The following RANBP2 variants were observed in gnomAD, a reference collection of about 807,000 sequenced individuals.
The protein encoded by RANBP2 is RAN binding protein 2.
Under a neutral mutation model 303.6 loss-of-function variants are expected in RANBP2, and 57 were observed. The observed-to-expected ratio is 0.19, with a 90% CI of 0.15 to 0.23. The LOEUF is 0.23. RANBP2 is among the 10% of genes least tolerant of loss of function. The pLI is 1.00. For missense variants in RANBP2, 3,138 were observed against 3,780.8 expected, an observed-to-expected ratio of 0.83 and a Z score of 4.46; for synonymous variants, 1,167 against 1,301.5, an observed-to-expected ratio of 0.90 and a Z score of 2.23.
downstream of RANBP2, chr2:108,788,938 A>C (rs753008334): frequency 9.0e-5 from 145 of 1,613,978 alleles, no homozygotes; most frequent in Non-Finnish European, 1.2e-4. Context: ...ACCATTGGGC[A>C]GCTTATTCAA....
the RANBP2 span, chr2:109,574,538 T>G: frequency 8.2e-7 from 1 of 1,223,728 alleles, no homozygotes; most frequent in South Asian, 2.6e-5. Context: ...CAGTTAAAAA[T>G]AAATATTAAA....
chr2:108,737,430 C>T (rs1416900171), intron 6 of RANBP2, among the ~76,000 whole-genome samples: 2 of 150,742 alleles, frequency 1.3e-5, no homozygotes, highest in East Asian at 1.9e-4. Flanking sequence ...CCTCCGCCTC[C>T]CTGGTTCAGG....
the RANBP2 span, among the ~76,000 whole-genome samples, chr2:109,536,053 G>T: frequency 1.6e-4 from 5 of 32,170 alleles, no homozygotes; most frequent in East Asian, 1.0e-3. Flanking sequence ...GGGTGGGGGT[G>T]GGGGGGGGGT....
the RANBP2 span, among the ~76,000 whole-genome samples, chr2:108,833,894 A>ATTTTTTTTTTTTTT: frequency 7.6e-5 from 6 of 79,218 alleles, no homozygotes; most frequent in East Asian, 7.9e-4. Context: ...CGCCCGGCTA[A>ATTTTTTTTTTTTTT]TTTTTTTTTT....
the RANBP2 span, among the ~76,000 whole-genome samples, chr2:109,671,149 T>A: frequency 6.6e-6 from 1 of 152,168 alleles, no homozygotes; most frequent in Non-Finnish European, 1.5e-5. Flanking sequence ...CACTGCTGCT[T>A]CCTACCAGGA....
At chr2:109,113,785 T>G in the RANBP2 span, among the ~76,000 whole-genome samples, 2 of 152,312 alleles carry the variant, frequency 1.3e-5, no homozygotes, top group Non-Finnish European at 2.9e-5. Flanking sequence ...CATAGATAGC[T>G]CTTATTCTTT....
the RANBP2 span, among the ~76,000 whole-genome samples, chr2:109,093,363 T>C: frequency 6.7e-6 from 1 of 148,262 alleles, no homozygotes; most frequent in East Asian, 2.0e-4. Context: ...TTCCTTGTCT[T>C]GGATAGATTT....
chr2:109,625,591 G>T, the RANBP2 span, among the ~76,000 whole-genome samples: 1 of 151,822 alleles, frequency 6.6e-6, no homozygotes, highest in Non-Finnish European at 1.5e-5. Flanking sequence ...GCTTGAACTC[G>T]GGAGGTGGAG....
the RANBP2 span, chr2:108,911,080 TGGAGA>T: frequency 1.2e-6 from 2 of 1,614,028 alleles, no homozygotes; most frequent in Non-Finnish European, 1.7e-6. Flanking sequence ...GTTCTGTGGG[TGGAGA>T]GAAGGCATGA....
chr2:109,527,872 G>T, the RANBP2 span, among the ~76,000 whole-genome samples: 1 of 152,344 alleles, frequency 6.6e-6, no homozygotes, highest in East Asian at 1.9e-4. Flanking sequence ...ACTGTCAGAA[G>T]GAAACAGAGT....
At chr2:109,575,455 C>A in the RANBP2 span, among the ~76,000 whole-genome samples, 1 of 152,256 alleles carries the variant, frequency 6.6e-6, no homozygotes, top group East Asian at 1.9e-4. Flanking sequence ...AAGGAAAGGC[C>A]AATTACATCC....
At chr2:109,545,923 G>C in the RANBP2 span, 1 of 1,450,424 alleles carries the variant, frequency 6.9e-7, no homozygotes, top group Non-Finnish European at 9.2e-7. Context: ...CTCTCCAGGA[G>C]CTGACATTTA....
the RANBP2 span, among the ~76,000 whole-genome samples, chr2:109,074,056 C>T: frequency 6.6e-6 from 1 of 150,706 alleles, no homozygotes; most frequent in Non-Finnish European, 1.5e-5. Context: ...AAAAGAACTA[C>T]AAGACAAACA....
At chr2:109,644,090 C>T in the RANBP2 span, among the ~76,000 whole-genome samples, 1 of 151,576 alleles carries the variant, frequency 6.6e-6, no homozygotes, top group Non-Finnish European at 1.5e-5. Context: ...CACTGCACTC[C>T]AGCCTGGGCG....
At chr2:109,218,066 G>C in the RANBP2 span, among the ~76,000 whole-genome samples, 1 of 152,162 alleles carries the variant, frequency 6.6e-6, no homozygotes, top group Admixed American at 6.5e-5. Flanking sequence ...GCGGGGAGGG[G>C]TGCTGTGTTG....
At chr2:109,011,757 A>G in the RANBP2 span, among the ~76,000 whole-genome samples, 1 of 152,112 alleles carries the variant, frequency 6.6e-6, no homozygotes, top group African/African-American at 2.4e-5. Flanking sequence ...CTTTACTTGA[A>G]TTCAAAACCC....
At chr2:109,631,480 G>T in the RANBP2 span, among the ~76,000 whole-genome samples, 2 of 152,186 alleles carry the variant, frequency 1.3e-5, no homozygotes, top group African/African-American at 4.8e-5. Context: ...TTCTGGCCGG[G>T]TGCAGTGGCT....
the RANBP2 span, among the ~76,000 whole-genome samples, chr2:109,513,523 C>T: frequency 6.6e-6 from 1 of 152,100 alleles, no homozygotes. Flanking sequence ...ACCATACCCA[C>T]ATGCACACAT....
At chr2:109,224,658 G>A in the RANBP2 span, among the ~76,000 whole-genome samples, 1 of 152,208 alleles carries the variant, frequency 6.6e-6, no homozygotes, top group Admixed American at 6.5e-5. Flanking sequence ...AGGAGTTCAA[G>A]ACCAACCTAG....
Sources: gnomAD v4.1 joint callset for allele counts (sites outside exome capture counted in the v4.1 genomes callset) on GRCh38, gnomAD v4.1.1 for gene constraint, MANE v1.5 for transcripts, NCBI Gene and HGNC (gene_info 2026-07-23, HGNC 2026-07-21) for gene names.